The following NCKAP5 variants were observed in gnomAD, a reference collection of about 807,000 sequenced individuals.
NCKAP5 encodes nck-associated protein 5.
Under a neutral mutation model 167.0 loss-of-function variants are expected in NCKAP5, and 92 were observed. The observed-to-expected ratio is 0.55, with a 90% CI of 0.47 to 0.66. The LOEUF (loss-of-function observed/expected upper bound fraction) is 0.66. NCKAP5 is among the 30% of genes least tolerant of loss of function. NCKAP5 has a pLI of 0.00. For missense variants in NCKAP5, 2,378 were observed against 2,315.0 expected, an observed-to-expected ratio of 1.03 and a Z score of -0.56; for synonymous variants, 891 against 877.4, an observed-to-expected ratio of 1.02 and a Z score of -0.27.
At chr2:133,416,702 AC>A (rs1458258481) in intron 3 of NCKAP5, among the ~76,000 whole-genome samples, 1 of 151,908 alleles carries the variant, frequency 6.6e-6, no homozygotes, top group Non-Finnish European at 1.5e-5. Flanking sequence ...AATAGCCACC[AC>A]CTGTGGAATT....
At position 132,888,531 on chromosome 2, in the gene NCKAP5, A is replaced by G. The variant is rs1005454592; in HGVS notation, c.580-9615T>C. The stretch of plus-strand genomic sequence containing the variant: ...CAGCCTCCTGAGCAGCTGGGACTAC[A>G]GGCATGTGCCACCATGCCCAGCTCA... On this transcript the variant is annotated intron_variant, in intron 8 of 19. Transcript: ENST00000409261. Among the ~76,000 whole-genome samples, 6 of 152,088 alleles carry G rather than the reference A, an allele frequency of 3.9e-5. No homozygotes were observed. The South Asian group carries it at 6.2e-4, about 16-fold the overall frequency.
intron 6 of NCKAP5, among the ~76,000 whole-genome samples, chr2:133,010,079 A>AAT (rs1559046771): frequency 2.0e-5 from 3 of 150,998 alleles, no homozygotes; most frequent in Admixed American, 6.6e-5. Flanking sequence ...TCAAAAAAAA[A>AAT]AAATAAATAA....
chr2:133,245,737 G>A (rs2087945486), intron 4 of NCKAP5, among the ~76,000 whole-genome samples: 1 of 152,014 alleles, frequency 6.6e-6, no homozygotes, highest in African/African-American at 2.4e-5. Flanking sequence ...ACAGGAAACA[G>A]GCCACAAGTA....
chr2:132,721,415 T>C (rs552012314), intron 19 of NCKAP5, among the ~76,000 whole-genome samples: 1 of 152,270 alleles, frequency 6.6e-6, no homozygotes, highest in South Asian at 2.1e-4. Flanking sequence ...TCACGATCTA[T>C]TGGTGAATTC....
intron 15 of NCKAP5, 76 bp from the exon 16 acceptor site, chr2:132,773,970 G>A (rs1335719545): frequency 4.8e-6 from 6 of 1,240,418 alleles, no homozygotes; most frequent in African/African-American, 4.5e-5. Context: ...CAGAGTAATG[G>A]TACATTCTAT....
intron 4 of NCKAP5, among the ~76,000 whole-genome samples, chr2:133,249,782 C>T (rs2088207197): frequency 6.6e-6 from 1 of 152,074 alleles, no homozygotes; most frequent in Non-Finnish European, 1.5e-5. Flanking sequence ...AAAGGAAGCA[C>T]ATACGCCCAA....
intron 8 of NCKAP5, among the ~76,000 whole-genome samples, chr2:132,957,917 T>G (rs1394698566): frequency 1.3e-5 from 2 of 151,946 alleles, no homozygotes; most frequent in Non-Finnish European, 2.9e-5. Context: ...TACTCTTTTT[T>G]TGTACAGTCA....
At chr2:133,060,706 C>T (rs1239762780) in intron 6 of NCKAP5, among the ~76,000 whole-genome samples, 13 of 152,042 alleles carry the variant, frequency 8.6e-5, no homozygotes, top group East Asian at 1.9e-4. Context: ...TGTACACACA[C>T]GAGTAAAGAA....
intron 4 of NCKAP5, among the ~76,000 whole-genome samples, chr2:133,217,831 G>A (rs1044199203): frequency 3.3e-5 from 5 of 152,096 alleles, no homozygotes; most frequent in African/African-American, 1.2e-4. Flanking sequence ...CAGGTACACT[G>A]CACACATATA....
At chr2:133,088,363 C>T (rs1445327357) in intron 6 of NCKAP5, among the ~76,000 whole-genome samples, 3 of 152,076 alleles carry the variant, frequency 2.0e-5, no homozygotes, top group South Asian at 2.1e-4. Context: ...CCTCATTTGT[C>T]CCCCGTACGT....
chr2:133,474,115 T>C (rs1317814869), intron 3 of NCKAP5, among the ~76,000 whole-genome samples: 1 of 124,104 alleles, frequency 8.1e-6, no homozygotes, highest in Non-Finnish European at 1.6e-5. Context: ...AAATGTGATA[T>C]CTATCTATCT....
chr2:133,029,354 T>C (rs2078802243), intron 6 of NCKAP5, among the ~76,000 whole-genome samples: 1 of 152,200 alleles, frequency 6.6e-6, no homozygotes, highest in African/African-American at 2.4e-5. Context: ...TCCCCATTTG[T>C]AGACAATCAG....
intron 16 of NCKAP5, among the ~76,000 whole-genome samples, chr2:132,752,301 C>A (rs575863134): frequency 6.6e-6 from 1 of 152,354 alleles, no homozygotes; most frequent in South Asian, 2.1e-4. Flanking sequence ...CTGCAGAAGG[C>A]ATACTCCTCT....
At chr2:133,527,752 C>T (rs1446050614) in intron 2 of NCKAP5, among the ~76,000 whole-genome samples, 4 of 151,980 alleles carry the variant, frequency 2.6e-5, no homozygotes, top group East Asian at 3.9e-4. Context: ...GAGAGGGCAG[C>T]GGGCTAAACT....
At chr2:133,290,711 G>C (rs1280039138) in intron 4 of NCKAP5, among the ~76,000 whole-genome samples, 1 of 149,240 alleles carries the variant, frequency 6.7e-6, no homozygotes, top group Non-Finnish European at 1.5e-5. Flanking sequence ...GAACATATGA[G>C]GCCACAAGAA....
Position 132,783,327 on chromosome 2 carries a change from T to G in NCKAP5, c.3484A>C (p.Lys1162Gln), listed in dbSNP as rs1195629501. 1.2e-6 allele frequency: 2 copies of G among 1,613,760 alleles called. No individual in the cohort carries two copies. Among genetic ancestry groups the G allele is most frequent in the South Asian group, 2.2e-5 (2 of 91,056 alleles). Reference sequence around the variant, plus strand: ...TGTTTCCCTGGCACGGTGGAACTTTTCCTGAGCAGCTGGGGAGACTTCATG... The same window carrying G: ...TGTTTCCCTGGCACGGTGGAACTTTGCCTGAGCAGCTGGGGAGACTTCATG... The part of the protein sequence containing the change: ...VLMKSPQLLR[K>Q]SSTVPGKHEK... The change falls in exon 14 of 20, where the codon AAA (lysine) becomes CAA (glutamine). Residue 1162 changes from lysine to glutamine, a missense_variant. By Grantham distance (53) the Lys-to-Gln change is moderately conservative. Around this residue, in one of 3 missense-constraint regions of NCKAP5, gnomAD observed 1,325 missense variants for 1,274.5 expected, o/e 1.04. Coordinates refer to ENST00000409261, the MANE Select transcript of NCKAP5 (RefSeq NM_207363.3).
intron 3 of NCKAP5, among the ~76,000 whole-genome samples, chr2:133,330,145 C>A (rs1451664799): frequency 7.2e-6 from 1 of 138,362 alleles, no homozygotes; most frequent in Non-Finnish European, 1.5e-5. Flanking sequence ...TGGCTCAATG[C>A]AGCCTCTACA....
chr2:132,881,547 T>C (rs1179228630), intron 8 of NCKAP5, among the ~76,000 whole-genome samples: 1 of 138,518 alleles, frequency 7.2e-6, no homozygotes, highest in African/African-American at 2.8e-5. Flanking sequence ...TCTTCTTCCT[T>C]ACCTTTCTTT....
intron 4 of NCKAP5, among the ~76,000 whole-genome samples, chr2:133,283,437 C>A (rs1385889300): frequency 2.0e-5 from 3 of 152,014 alleles, no homozygotes; most frequent in Non-Finnish European, 4.4e-5. Context: ...ATTCTAAAAT[C>A]ATTCTATAAT....
Sources: allele counts gnomAD v4.1 joint callset (sites outside exome capture counted in the v4.1 genomes callset), GRCh38; gene constraint gnomAD v4.1.1; regional missense constraint gnomAD v4.1.1; transcripts MANE v1.5; gene names NCBI Gene and HGNC (gene_info 2026-07-23, HGNC 2026-07-21).